TACC2: variants seen among roughly 807,000 people sequenced by gnomAD.
The protein encoded by TACC2 is transforming acidic coiled-coil containing protein 2.
In TACC2, 137 loss-of-function variants were observed where a neutral mutation model predicts 227.3. The ratio of observed to expected loss-of-function variants is 0.60; its 90% CI spans 0.52 to 0.69. The LOEUF (loss-of-function observed/expected upper bound fraction) is 0.69. TACC2 is among the 30% of genes least tolerant of loss of function. TACC2 has a pLI of 0.00. For missense variants in TACC2, 3,470 were observed against 3,694.4 expected (o/e 0.94, Z 1.57); for synonymous variants, 1,523 against 1,487.5 (o/e 1.02, Z -0.55).
Position 122,083,498 on chromosome 10 carries a change from G to T in TACC2, c.998G>T (p.Cys333Phe). The change falls in exon 4 of 23, where the codon TGC becomes TTC. Residue 333 changes from cysteine (C) to phenylalanine (F), a missense_variant. Around this residue, in one of 10 missense-constraint regions of TACC2, gnomAD observed 33 missense variants for 60.4 expected, o/e 0.55. Transcript: ENST00000369005. Reference sequence around the variant, plus strand: ...GTGAATGCCGCTTCCCAGGAGAGCTGCCAGCAGCCAGTGGGAGCATATCTG... The same window carrying T: ...GTGAATGCCGCTTCCCAGGAGAGCTTCCAGCAGCCAGTGGGAGCATATCTG... ...AEVNAASQES[C>F]QQPVGAYLPH... 3 of 1,613,200 alleles carry T rather than the reference G, an allele frequency of 1.9e-6. No homozygotes were observed. Among genetic ancestry groups the T allele is most frequent in the Non-Finnish European group, 2.5e-6 (3 of 1,179,994 alleles).
Position 122,180,806 on chromosome 10 carries a change from C to G in TACC2, c.5835-14234C>G, listed in dbSNP as rs989346066. Among the ~76,000 whole-genome samples the G allele has an allele frequency of 6.6e-6, 1 of 152,046 alleles. No homozygotes were observed. Among genetic ancestry groups the G allele is most frequent in the Non-Finnish European group, 1.5e-5 (1 of 68,018 alleles). ...GCTGGATGGAGTGCAATGGCGCAGT[C>G]TCGGCTCACTGCAAACCTCTGCCTC... On this transcript the variant is annotated intron_variant, in intron 7 of 22. Transcript: ENST00000369005. The surrounding 1 kb of genome is among the most constrained non-coding windows in gnomAD (Gnocchi z 4.5).
At chr10:122,208,270 A>G (rs541911346) in intron 8 of TACC2, among the ~76,000 whole-genome samples, 1 of 152,276 alleles carries the variant, frequency 6.6e-6, no homozygotes, top group South Asian at 2.1e-4. Flanking sequence ...CCAAGCGTTT[A>G]TTGATCCTGT....
At chr10:122,219,792 C>T (rs924765491) in intron 11 of TACC2, among the ~76,000 whole-genome samples, 2 of 152,110 alleles carry the variant, frequency 1.3e-5, no homozygotes, top group African/African-American at 4.8e-5. Context: ...AATCCCAGCA[C>T]TTTGGGAGGC....
chr10:122,051,743 A>C (rs1186687398), intron 3 of TACC2: 1 of 149,330 alleles, frequency 6.7e-6, no homozygotes, highest in Non-Finnish European at 1.5e-5. Flanking sequence ...ATAGCTTTGC[A>C]AAACCTTGAG....
chr10:122,162,956 A>T (rs1156760417), intron 7 of TACC2, among the ~76,000 whole-genome samples: 2 of 152,030 alleles, frequency 1.3e-5, no homozygotes, highest in Admixed American at 1.3e-4. Flanking sequence ...TGTGGAGCTC[A>T]TTTGGTGGCC....
intron 11 of TACC2, 81 bp from the exon 12 acceptor site, chr10:122,224,645 C>T: frequency 1.5e-6 from 2 of 1,304,834 alleles, no homozygotes; most frequent in East Asian, 2.3e-5. Flanking sequence ...CCCTGCCTGG[C>T]TCAGATCTTC....
chr10:122,102,050 G>A (rs933777264), intron 5 of TACC2, among the ~76,000 whole-genome samples: 3 of 152,040 alleles, frequency 2.0e-5, no homozygotes, highest in South Asian at 2.1e-4. Flanking sequence ...GTGTGCTTAC[G>A]CAGACCTAGA....
At chr10:121,998,192 G>T (rs943422377) in intron 1 of TACC2, among the ~76,000 whole-genome samples, 7 of 151,902 alleles carry the variant, frequency 4.6e-5, no homozygotes, top group African/African-American at 1.4e-4. Context: ...GGCGCCTGTA[G>T]TCCCAGCTAC....
intron 5 of TACC2, among the ~76,000 whole-genome samples, chr10:122,092,886 A>G (rs1365573721): frequency 6.6e-6 from 1 of 152,232 alleles, no homozygotes; most frequent in East Asian, 1.9e-4. Flanking sequence ...GCCTCATGTT[A>G]GTTTCAGGTT....
intron 5 of TACC2, among the ~76,000 whole-genome samples, chr10:122,089,006 T>C (rs753586294): frequency 1.3e-5 from 2 of 152,024 alleles, no homozygotes; most frequent in Non-Finnish European, 2.9e-5. Flanking sequence ...TCCCAGTTAC[T>C]TGGAAGTCTG....
At position 122,210,898 on chromosome 10, in the gene TACC2, A is replaced by G. The variant is rs2095276020; in HGVS notation, c.6473A>G (p.Asp2158Gly). ...GTGAAGGAGACGCAACAGGAGCCAGATGAAGAGAGCCTTGTCCCCAGTGGG... is the reference window on the plus strand; with the variant it reads ...GTGAAGGAGACGCAACAGGAGCCAGGTGAAGAGAGCCTTGTCCCCAGTGGG... ...PPVKETQQEPDEESLVPSGEN... is the reference protein window; with the variant it reads ...PPVKETQQEPGEESLVPSGEN... Residue 2158 changes from aspartate to glycine, a missense_variant, in exon 9 of 23, where the codon GAT becomes GGT. Asp to Gly is a moderately conservative substitution (Grantham distance 94, BLOSUM62 -1). Around this residue, in one of 10 missense-constraint regions of TACC2, gnomAD observed 593 missense variants for 636.6 expected, o/e 0.93. Coordinates refer to ENST00000369005, the MANE Select transcript of TACC2 (RefSeq NM_206862.4). This position sits in a 1 kb window ranked among gnomAD's most constrained non-coding sequence, Gnocchi z 4.6. 1.9e-6 allele frequency: 3 copies of G among 1,613,768 alleles called. No homozygotes were observed. The South Asian group carries it at 3.3e-5, about 18-fold the overall frequency.
Position 122,226,454 on chromosome 10 carries a change from T to G in TACC2, c.7697T>G (p.Met2566Arg), listed in dbSNP as rs2141347068. ...ESPVKSSPVR[M>R]SESPTPCSGS... The stretch of plus-strand genomic sequence containing the variant: ...CCTGTCAAGTCATCTCCCGTCCGCA[T>G]GTCAGAGTCCCCGACGCCGTGTTCA... Residue 2566 changes from methionine to arginine, a missense_variant, in exon 13 of 23, where the codon ATG (methionine) becomes AGG (arginine). Met to Arg is a moderately conservative substitution (Grantham distance 91). Coordinates refer to ENST00000369005, the MANE Select transcript of TACC2 (RefSeq NM_206862.4). 2 of 1,613,996 alleles carry G rather than the reference T, an allele frequency of 1.2e-6. No individual in the cohort carries two copies. The highest frequency in any genetic ancestry group is 8.5e-7 in the Non-Finnish European group (1 of 1,179,946).
intron 6 of TACC2, among the ~76,000 whole-genome samples, chr10:122,134,041 G>T (rs1441125519): frequency 1.3e-5 from 2 of 152,212 alleles, no homozygotes; most frequent in African/African-American, 4.8e-5. Flanking sequence ...GAGGTACCTG[G>T]TGGGGGAGAA....
Position 122,249,623 on chromosome 10 carries a change from C to A in TACC2, c.8740C>A (p.Gln2914Lys), listed in dbSNP as rs1410614727. 1.2e-6 allele frequency: 2 copies of A among 1,613,914 alleles called. No homozygotes were observed. The highest frequency in any genetic ancestry group is 1.7e-6 in the Non-Finnish European group (2 of 1,179,950). Residue 2914 changes from glutamine to lysine, a missense_variant, in exon 22 of 23, where the codon CAG (glutamine) becomes AAG (lysine). Transcript: ENST00000369005. ...CCACCAGGCCAGCCTGCGGAAGGAG[C>A]AGCTGCGAGTGGACGCCCTGGAAAG... ...AAHQASLRKE[Q>K]LRVDALERTL...
chr10:122,190,953 A>C (rs2094390887), intron 7 of TACC2, among the ~76,000 whole-genome samples: 1 of 152,238 alleles, frequency 6.6e-6, no homozygotes, highest in African/African-American at 2.4e-5. Context: ...AATGTTTGGA[A>C]GCCACAGATG....
chr10:122,253,946 C>T (rs763899099), intron 22 of TACC2, 45 bp from the exon 23 acceptor site: 1 of 1,563,326 alleles, frequency 6.4e-7, no homozygotes, highest in South Asian at 1.1e-5. Flanking sequence ...TTCTGACTGG[C>T]CAGATTTCAA....
At chr10:122,027,510 G>C (rs1958190619) in intron 2 of TACC2, among the ~76,000 whole-genome samples, 1 of 151,866 alleles carries the variant, frequency 6.6e-6, no homozygotes, top group South Asian at 2.1e-4. Flanking sequence ...CCATTAAACT[G>C]TTTCTGCACC....
intron 3 of TACC2, among the ~76,000 whole-genome samples, chr10:122,054,130 A>AGAACATGG (rs1435363924): frequency 6.6e-6 from 1 of 152,226 alleles, no homozygotes; most frequent in Non-Finnish European, 1.5e-5. Context: ...GAATTATGCT[A>AGAACATGG]GAACATGGGG....
intron 12 of TACC2, among the ~76,000 whole-genome samples, chr10:122,225,624 T>C (rs573629523): frequency 2.6e-4 from 39 of 152,342 alleles, no homozygotes; most frequent in Non-Finnish European, 4.1e-4. Flanking sequence ...CGAGACATTT[T>C]ACCGCTGAAG....
Sources: gnomAD v4.1 joint callset for allele counts (sites outside exome capture counted in the v4.1 genomes callset) on GRCh38, gnomAD v4.1.1 for gene constraint, gnomAD v4.1.1 regional missense constraint, Gnocchi (gnomAD v3.1) non-coding constraint, MANE v1.5 for transcripts, NCBI Gene and HGNC (gene_info 2026-07-23, HGNC 2026-07-21) for gene names.